Variants in RCOR1 observed in about 807,000 individuals in gnomAD.
RCOR1 encodes REST corepressor.
In RCOR1, 12 loss-of-function variants were observed where a neutral mutation model predicts 64.0. That is an observed-to-expected ratio of 0.19 (90% CI 0.12 to 0.30). The LOEUF (loss-of-function observed/expected upper bound fraction) is 0.30, where lower values mean the gene tolerates loss of function less well. Among genes scored for constraint, RCOR1 ranks in the 10% least tolerant of loss-of-function variants. The probability of loss-of-function intolerance (pLI) is 1.00; values close to 1 mark genes in which losing one functional copy is unlikely to be tolerated. For missense variants in RCOR1, 502 were observed against 621.2 expected (o/e 0.81, Z 2.04); for synonymous variants, 279 against 227.2 (o/e 1.23, Z -2.05).
chr14:102,609,025 CTTTTTTTT>C (rs1004210046), intron 2 of RCOR1, among the ~76,000 whole-genome samples: 6 of 107,004 alleles, frequency 5.6e-5, no homozygotes, highest in Non-Finnish European at 7.7e-5. Flanking sequence ...CTGTGCTTCA[CTTTTTTTT>C]TTTTTTTTTT....
chr14:102,632,792 C>CTCTCTCG lies in RCOR1; in HGVS notation c.361+39474_361+39480dup, dbSNP rs756158759. On this transcript the variant is annotated intron_variant, in intron 2 of 11. Transcript: ENST00000262241. ...CCCCTCTCCTCCCCTCTCCTCTCTC[C>CTCTCTCG]TCTCTCGTCTCTCCTCTCCTCTTTC... 1.1e-3 allele frequency among the ~76,000 whole-genome samples: 105 copies of CTCTCTCG among 98,282 alleles called. 9 individuals are homozygous for CTCTCTCG. Among genetic ancestry groups the CTCTCTCG allele is most frequent in the African/African-American group, 2.4e-3 (61 of 25,206 alleles). 64.5% of individuals were successfully genotyped at this position (98,282 alleles called of 152,430 possible).
intron 2 of RCOR1, among the ~76,000 whole-genome samples, chr14:102,639,840 A>G (rs1894329446): frequency 7.3e-6 from 1 of 137,712 alleles, no homozygotes; most frequent in African/African-American, 2.8e-5. Context: ...CTATTCATTC[A>G]TTCATTCATT....
At chr14:102,598,780 A>G (rs1303322793) in intron 2 of RCOR1, among the ~76,000 whole-genome samples, 1 of 151,994 alleles carries the variant, frequency 6.6e-6, no homozygotes, top group Non-Finnish European at 1.5e-5. Flanking sequence ...ATTAATACCT[A>G]GATTAGATCG....
At chr14:102,650,765 G>A (rs948219420) in intron 2 of RCOR1, among the ~76,000 whole-genome samples, 1 of 152,152 alleles carries the variant, frequency 6.6e-6, no homozygotes, top group African/African-American at 2.4e-5. Flanking sequence ...TATATAAAGG[G>A]ATAAACATTG....
chr14:102,593,004 T>C lies in RCOR1; in HGVS notation c.118T>C (p.Ser40Pro). 1 of 1,188,868 alleles carries C rather than the reference T, an allele frequency of 8.4e-7. No homozygotes were observed. The highest frequency in any genetic ancestry group is 3.5e-5 in the South Asian group (1 of 28,296). The allele number at this position is 1,188,868 out of a possible 1,614,324, so 73.6% of individuals were successfully genotyped here. The part of the protein sequence containing the change: ...ASAAASAACA[S>P]PAATAASGAA... ...CGCCGCCGCCTCGGCCGCCTGCGCC[T>C]CGCCAGCCGCCACTGCCGCCTCGGG... is the stretch of plus-strand genomic sequence containing the variant. The change falls in exon 1 of 12, where the codon TCG becomes CCG. Residue 40 changes from serine (S) to proline (P), a missense_variant. Ser to Pro is a moderately conservative substitution (Grantham distance 74, BLOSUM62 -1). Coordinates refer to ENST00000262241, the MANE Select transcript of RCOR1 (RefSeq NM_015156.4).
intron 3 of RCOR1, among the ~76,000 whole-genome samples, chr14:102,700,068 A>G (rs939714431): frequency 5.9e-5 from 9 of 152,198 alleles, no homozygotes; most frequent in African/African-American, 1.4e-4. Context: ...AGAATTTTTT[A>G]AAACATAAAG....
At chr14:102,653,239 TG>T (rs1322439838) in intron 2 of RCOR1, among the ~76,000 whole-genome samples, 1 of 151,652 alleles carries the variant, frequency 6.6e-6, no homozygotes, top group Non-Finnish European at 1.5e-5. Flanking sequence ...ATTTTTTAAT[TG>T]AGACTTGTCT....
At chr14:102,618,522 C>T (rs1044073373) in intron 2 of RCOR1, among the ~76,000 whole-genome samples, 2 of 151,990 alleles carry the variant, frequency 1.3e-5, no homozygotes, top group Admixed American at 6.6e-5. Context: ...GTGAGAGGAT[C>T]GCTTGAGCCC....
chr14:102,653,935 CTTT>C (rs1894650473), intron 2 of RCOR1, among the ~76,000 whole-genome samples: 1 of 32,560 alleles, frequency 3.1e-5, no homozygotes, highest in Non-Finnish European at 5.7e-5. Context: ...TTCTTTCTTT[CTTT>C]CTTTCTTTCT....
intron 2 of RCOR1, among the ~76,000 whole-genome samples, chr14:102,607,229 G>A (rs765402269): frequency 2.0e-5 from 3 of 152,128 alleles, no homozygotes; most frequent in African/African-American, 4.8e-5. Context: ...CACCGCGCCC[G>A]GCTGAGTAGG....
At chr14:102,638,866 C>G (rs532601010) in intron 2 of RCOR1, among the ~76,000 whole-genome samples, 1 of 151,046 alleles carries the variant, frequency 6.6e-6, no homozygotes, top group Non-Finnish European at 1.5e-5. Flanking sequence ...TTTCGCCATG[C>G]TGGCCAGGCT....
intron 3 of RCOR1, among the ~76,000 whole-genome samples, chr14:102,691,707 A>C (rs1272914825): frequency 1.3e-5 from 2 of 152,240 alleles, no homozygotes; most frequent in Non-Finnish European, 2.9e-5. Flanking sequence ...GAATGAGTTG[A>C]ATTTACAAAC....
intron 2 of RCOR1, 29 bp from the exon 3 acceptor site, chr14:102,681,866 T>C (rs747771534): frequency 1.3e-6 from 2 of 1,527,912 alleles, no homozygotes; most frequent in Non-Finnish European, 9.0e-7. Context: ...TAAATTTTAA[T>C]AAGAATTTTC....
At chr14:102,596,724 C>T (rs1384890403) in intron 2 of RCOR1, among the ~76,000 whole-genome samples, 1 of 151,534 alleles carries the variant, frequency 6.6e-6, no homozygotes, top group East Asian at 1.9e-4. Flanking sequence ...ACCACCACGC[C>T]CAACTAATTT....
chr14:102,686,633 C>G (rs560111329), intron 3 of RCOR1, among the ~76,000 whole-genome samples: 1 of 152,182 alleles, frequency 6.6e-6, no homozygotes, highest in Non-Finnish European at 1.5e-5. Context: ...AACTGTTGAT[C>G]GTTTTACTGT....
chr14:102,687,091 T>A (rs1895437562), intron 3 of RCOR1, among the ~76,000 whole-genome samples: 1 of 152,242 alleles, frequency 6.6e-6, no homozygotes, highest in African/African-American at 2.4e-5. Flanking sequence ...GAATTCGTGT[T>A]TATCTACTGA....
intron 8 of RCOR1, among the ~76,000 whole-genome samples, chr14:102,720,066 GAAAA>G (rs1183657493): frequency 6.6e-6 from 1 of 152,056 alleles, no homozygotes; most frequent in African/African-American, 2.4e-5. Flanking sequence ...AATTACAAGT[GAAAA>G]AAATTTAAAA....
chr14:102,613,094 CT>C (rs1265221538), intron 2 of RCOR1, among the ~76,000 whole-genome samples: 1 of 151,596 alleles, frequency 6.6e-6, no homozygotes, highest in East Asian at 1.9e-4. Context: ...GCGAGTCTCG[CT>C]TTTTTTGTTT....
intron 2 of RCOR1, among the ~76,000 whole-genome samples, chr14:102,640,724 C>A (rs1894350613): frequency 6.6e-6 from 1 of 152,132 alleles, no homozygotes; most frequent in African/African-American, 2.4e-5. Context: ...CCTGTAATTC[C>A]AGCATTTTGG....
Sources: allele counts gnomAD v4.1 joint callset (sites outside exome capture counted in the v4.1 genomes callset), GRCh38; gene constraint gnomAD v4.1.1; transcripts MANE v1.5; gene names NCBI Gene and HGNC (gene_info 2026-07-23, HGNC 2026-07-21).